The following ARHGAP24 variants were observed in gnomAD, a reference collection of about 807,000 sequenced individuals.
ARHGAP24 encodes the protein rho GTPase-activating protein 24.
Under a neutral mutation model 76.4 loss-of-function variants are expected in ARHGAP24, and 50 were observed. The ratio of observed to expected loss-of-function variants is 0.65; its 90% CI spans 0.52 to 0.83. The LOEUF (loss-of-function observed/expected upper bound fraction) is 0.83. ARHGAP24 is among the 40% of genes least tolerant of loss of function. The pLI, the probability that ARHGAP24 is intolerant of heterozygous loss-of-function variation, is 0.00. For synonymous variants in ARHGAP24, 345 were observed against 323.3 expected, an observed-to-expected ratio of 1.07 and a Z score of -0.72; for missense variants, 930 against 914.2, an observed-to-expected ratio of 1.02 and a Z score of -0.22.
intron 3 of ARHGAP24, among the ~76,000 whole-genome samples, chr4:85,915,959 C>T (rs924521485): frequency 8.5e-5 from 13 of 152,090 alleles, no homozygotes; most frequent in East Asian, 1.9e-4. Flanking sequence ...CTGGGTCAAA[C>T]GGCATTTCTG....
At chr4:85,708,792 T>G (rs1724412037) in intron 2 of ARHGAP24, among the ~76,000 whole-genome samples, 1 of 152,174 alleles carries the variant, frequency 6.6e-6, no homozygotes, top group Non-Finnish European at 1.5e-5. Flanking sequence ...GAAAGCAATT[T>G]TACCTTCATA....
Position 85,995,493 on chromosome 4 carries a change from C to T in ARHGAP24, c.1839C>T (p.His613=). Residue 613 remains histidine (H), a synonymous_variant, in exon 9 of 10, where the codon CAC becomes CAT. Transcript: ENST00000395184. ...GGGACTATGAAAGCAAAAGTGACCA[C>T]AGGAGTGTGGGAGGTCGAAGTAGTC... ...HPRDYESKSD[H]RSVGGRSSRA... is the part of the protein sequence containing the mutation. The T allele has an allele frequency of 6.2e-7, 1 of 1,602,108 alleles. No individual in the cohort carries two copies. Among genetic ancestry groups the T allele is most frequent in the Admixed American group, 1.7e-5 (1 of 59,456 alleles).
intron 1 of ARHGAP24, among the ~76,000 whole-genome samples, chr4:85,564,398 TG>T (rs1197995424): frequency 1.6e-4 from 15 of 91,502 alleles, no homozygotes; most frequent in South Asian, 7.2e-4. Context: ...TGTTGTGGGG[TG>T]GGGGGAGCGG....
intron 3 of ARHGAP24, among the ~76,000 whole-genome samples, chr4:85,811,707 T>G (rs1729019352): frequency 6.6e-6 from 1 of 152,216 alleles, no homozygotes; most frequent in African/African-American, 2.4e-5. Flanking sequence ...ATTTTGTTAT[T>G]ATGTGGATAA....
Position 85,851,808 on chromosome 4 carries a change from C to T in ARHGAP24, c.269-71840C>T, listed in dbSNP as rs546780872. On this transcript the variant is annotated intron_variant, in intron 3 of 9. Coordinates refer to ENST00000395184, the MANE Select transcript of ARHGAP24 (RefSeq NM_001025616.3). ...CTCATCTGGCTTGTAGGGTTTCTGC[C>T]GAGAGATCTGCTGTTAGTCTGATGG... Among the ~76,000 whole-genome samples, 10 of 152,266 alleles carry T rather than the reference C, an allele frequency of 6.6e-5. No individual in the cohort carries two copies. The East Asian group carries it at 7.7e-4, about 12-fold the overall frequency.
chr4:85,698,847 C>A (rs967868674), intron 2 of ARHGAP24, among the ~76,000 whole-genome samples: 7 of 152,106 alleles, frequency 4.6e-5, no homozygotes, highest in Non-Finnish European at 7.4e-5. Context: ...TGGGGCTGGG[C>A]AGGAAGTGTT....
At chr4:85,866,372 T>C (rs1462217106) in intron 3 of ARHGAP24, among the ~76,000 whole-genome samples, 4 of 152,022 alleles carry the variant, frequency 2.6e-5, no homozygotes, top group Admixed American at 2.0e-4. Context: ...AAGAAAAACC[T>C]TAAAGGGGCA....
At chr4:85,782,498 A>C (rs1648981923) in intron 3 of ARHGAP24, among the ~76,000 whole-genome samples, 1 of 152,218 alleles carries the variant, frequency 6.6e-6, no homozygotes, top group African/African-American at 2.4e-5. Context: ...GGTGCTTCTT[A>C]GTACAACCTT....
intron 1 of ARHGAP24, among the ~76,000 whole-genome samples, chr4:85,485,347 CAAAAAAAAAAAAAAAAA>C (rs1157207535): frequency 4.2e-3 from 28 of 6,724 alleles, no homozygotes; most frequent in African/African-American, 0.01. Flanking sequence ...GACTCCATCT[CAAAAAAAAAAAAAAAAA>C]AAAAAAAAAA....
intron 8 of ARHGAP24, among the ~76,000 whole-genome samples, chr4:85,985,943 G>GC (rs1739962672): frequency 6.6e-6 from 1 of 152,118 alleles, no homozygotes; most frequent in African/African-American, 2.4e-5. Context: ...TGCACCAGTT[G>GC]GAAAATGAAC....
chr4:85,611,581 T>G (rs1050177117), intron 2 of ARHGAP24, among the ~76,000 whole-genome samples: 1 of 152,208 alleles, frequency 6.6e-6, no homozygotes, highest in Admixed American at 6.5e-5. Flanking sequence ...ACTACAAAAA[T>G]CACTAACTCT....
intron 3 of ARHGAP24, among the ~76,000 whole-genome samples, chr4:85,916,163 T>C (rs913316031): frequency 5.9e-5 from 9 of 152,246 alleles, no homozygotes; most frequent in African/African-American, 1.2e-4. Flanking sequence ...ATTTCTCTAA[T>C]GACCAGTGAT....
intron 3 of ARHGAP24, among the ~76,000 whole-genome samples, chr4:85,890,874 A>G (rs1733850154): frequency 6.6e-6 from 1 of 152,192 alleles, no homozygotes; most frequent in Non-Finnish European, 1.5e-5. Flanking sequence ...TAAGGTGGGG[A>G]CCTTGTTTCA....
In ARHGAP24 at chr4:85,620,893, G is replaced by A. The variant is rs536913031; in HGVS notation, c.180+50172G>A. Reference sequence around the variant, plus strand: ...ACTTACCACTCAGATGGTGAGCATAGTACCCAATAGGTAGTTTTTCAACCC... The same window carrying A: ...ACTTACCACTCAGATGGTGAGCATAATACCCAATAGGTAGTTTTTCAACCC... On this transcript the variant is annotated intron_variant, in intron 2 of 9. Coordinates refer to ENST00000395184, the MANE Select transcript of ARHGAP24 (RefSeq NM_001025616.3). 1.5e-3 allele frequency among the ~76,000 whole-genome samples: 228 copies of A among 152,102 alleles called. 1 individual carries two copies. Among genetic ancestry groups the A allele is most frequent in the African/African-American group, 5.3e-3 (222 of 41,526 alleles).
chr4:85,553,219 C>T (rs1307954090), intron 1 of ARHGAP24, among the ~76,000 whole-genome samples: 1 of 152,088 alleles, frequency 6.6e-6, no homozygotes, highest in African/African-American at 2.4e-5. Context: ...AGTGTGGACC[C>T]AAACAGTGAG....
chr4:85,763,407 C>A (rs568503355), intron 3 of ARHGAP24, among the ~76,000 whole-genome samples: 2 of 152,148 alleles, frequency 1.3e-5, no homozygotes, highest in South Asian at 2.1e-4. Flanking sequence ...TGCAGGGAAG[C>A]CATTAGATCC....
chr4:85,894,977 AAAAAAAAAAAACAAAACAAAAAGC>A (rs1560701583), intron 3 of ARHGAP24, among the ~76,000 whole-genome samples: 23 of 39,080 alleles, frequency 5.9e-4, no homozygotes, highest in East Asian at 1.5e-3. Context: ...AAAAAAAAAA[AAAAAAAAAAAACAAAACAAAAAGC>A]AAAAAAAAAA....
chr4:86,001,625 C>T lies in ARHGAP24; in HGVS notation c.*903C>T. ...GTACTGGGAAACAATGCTTGCTAAA[C>T]CATGCCCACGTGAGCACCTGTCTCC... On this transcript the variant is annotated 3_prime_UTR_variant, in exon 10 of 10. Transcript: ENST00000395184. 2.5e-6 allele frequency: 1 copy of T among 392,404 alleles called. No homozygotes were observed. The highest frequency in any genetic ancestry group is 4.5e-6 in the Non-Finnish European group (1 of 222,864). The allele number at this position is 392,404 out of a possible 1,614,324, so 24.3% of individuals were successfully genotyped here.
chr4:85,741,928 A>T (rs968987673), intron 3 of ARHGAP24, among the ~76,000 whole-genome samples: 3 of 152,220 alleles, frequency 2.0e-5, no homozygotes, highest in Non-Finnish European at 2.9e-5. Flanking sequence ...AAAACCAAAT[A>T]AAAAGATCTA....
Sources: allele counts gnomAD v4.1 joint callset (sites outside exome capture counted in the v4.1 genomes callset), GRCh38; gene constraint gnomAD v4.1.1; transcripts MANE v1.5; gene names NCBI Gene and HGNC (gene_info 2026-07-23, HGNC 2026-07-21).